Variants in ITGA8 observed in about 807,000 individuals in gnomAD.
ITGA8 encodes the protein integrin subunit alpha 8, also known as integrin alpha-8.
A neutral mutation model predicts 142.3 loss-of-function variants in ITGA8; 91 were observed. The observed-to-expected ratio is 0.64, with a 90% CI of 0.54 to 0.76. The LOEUF is 0.76. Among genes scored for constraint, ITGA8 ranks in the 30% least tolerant of loss-of-function variants. The pLI, the probability that ITGA8 is intolerant of heterozygous loss-of-function variation, is 0.00. For synonymous variants in ITGA8, 505 were observed against 485.2 expected (o/e 1.04, Z -0.54); for missense variants, 1,406 against 1,327.7 (o/e 1.06, Z -0.92).
intron 2 of ITGA8, among the ~76,000 whole-genome samples, chr10:15,710,372 C>T (rs1835341573): frequency 6.6e-6 from 1 of 152,102 alleles, no homozygotes; most frequent in Non-Finnish European, 1.5e-5. Flanking sequence ...ATTGACTACC[C>T]ACAAATAGGC....
intron 11 of ITGA8, among the ~76,000 whole-genome samples, chr10:15,649,456 C>A (rs1417560235): frequency 4.6e-5 from 7 of 151,374 alleles, no homozygotes; most frequent in African/African-American, 1.7e-4. Flanking sequence ...TGGTGAAACG[C>A]CTGTCTCTAC....
chr10:15,630,603 G>A (rs948664974), intron 13 of ITGA8, among the ~76,000 whole-genome samples: 1 of 151,996 alleles, frequency 6.6e-6, no homozygotes, highest in Non-Finnish European at 1.5e-5. Flanking sequence ...GAGTGTCTAA[G>A]TGGGAAATGA....
intron 15 of ITGA8, among the ~76,000 whole-genome samples, chr10:15,613,170 A>AAAATAAAT (rs1554777864): frequency 3.8e-3 from 139 of 36,178 alleles, no homozygotes; most frequent in African/African-American, 6.7e-3. Context: ...CAATAAATAA[A>AAAATAAAT]AAATAAATAA....
intron 3 of ITGA8, among the ~76,000 whole-genome samples, chr10:15,685,859 A>G (rs1439564355): frequency 1.3e-5 from 2 of 152,242 alleles, no homozygotes; most frequent in East Asian, 3.8e-4. Context: ...TCACAAGAGC[A>G]CTGTATGGAA....
At chr10:15,529,274 G>A (rs1004240887) in intron 28 of ITGA8, among the ~76,000 whole-genome samples, 1 of 152,170 alleles carries the variant, frequency 6.6e-6, no homozygotes, top group Non-Finnish European at 1.5e-5. Flanking sequence ...CATTTTGAGA[G>A]GCTACTCTCA....
At chr10:15,549,136 A>G (rs909182621) in intron 26 of ITGA8, among the ~76,000 whole-genome samples, 1 of 151,740 alleles carries the variant, frequency 6.6e-6, no homozygotes, top group African/African-American at 2.4e-5. Context: ...GTTCCTCAAA[A>G]GGATTCATTA....
chr10:15,536,559 C>A (rs981769494), intron 27 of ITGA8, among the ~76,000 whole-genome samples: 1 of 152,164 alleles, frequency 6.6e-6, no homozygotes, highest in African/African-American at 2.4e-5. Flanking sequence ...TTCAATATAA[C>A]CTCTCTCCCA....
At chr10:15,526,402 C>G (rs1449562983) in intron 28 of ITGA8, among the ~76,000 whole-genome samples, 1 of 152,082 alleles carries the variant, frequency 6.6e-6, no homozygotes, top group Non-Finnish European at 1.5e-5. Context: ...TCTCAAACTC[C>G]CGACCTCAGG....
chr10:15,562,775 C>T (rs890209610), intron 25 of ITGA8, among the ~76,000 whole-genome samples: 7 of 152,214 alleles, frequency 4.6e-5, no homozygotes, highest in South Asian at 2.1e-4. Context: ...GCACTGTGGG[C>T]CCTGGGACAT....
At position 15,631,633 on chromosome 10, in the gene ITGA8, T is replaced by C. The variant is rs910888077; in HGVS notation, c.1399+12397A>G. Among the ~76,000 whole-genome samples, 13 of 151,174 alleles carry C rather than the reference T, an allele frequency of 8.6e-5. No homozygotes were observed. In the East Asian group the frequency reaches 2.3e-3, roughly 27 times the overall value. ...TTAATGTAGATGACGGGTTGATGGGTGCAGCAAATCACCATGGCACGGGCA... is the reference window on the plus strand; with the variant it reads ...TTAATGTAGATGACGGGTTGATGGGCGCAGCAAATCACCATGGCACGGGCA... On this transcript the variant is annotated intron_variant, in intron 13 of 29. Transcript: ENST00000378076.
intron 3 of ITGA8, 101 bp from the exon 4 acceptor site, chr10:15,684,228 T>C (rs1323955394): frequency 4.0e-6 from 5 of 1,254,648 alleles, no homozygotes; most frequent in Non-Finnish European, 5.5e-6. Flanking sequence ...AATTATTGGG[T>C]GAATTAATTG....
At chr10:15,578,960 C>T (rs1269355007) in intron 23 of ITGA8, among the ~76,000 whole-genome samples, 1 of 151,970 alleles carries the variant, frequency 6.6e-6, no homozygotes, top group African/African-American at 2.4e-5. Flanking sequence ...TTTTTTCCCA[C>T]CCAAATAAAT....
At chr10:15,543,892 A>G (rs935304481) in intron 27 of ITGA8, among the ~76,000 whole-genome samples, 17 of 152,328 alleles carry the variant, frequency 1.1e-4, no homozygotes, top group African/African-American at 4.1e-4. Flanking sequence ...TATAAGAAAC[A>G]GAAGACACAG....
chr10:15,535,997 A>C (rs1833427097), intron 27 of ITGA8, among the ~76,000 whole-genome samples: 1 of 151,938 alleles, frequency 6.6e-6, no homozygotes, highest in Non-Finnish European at 1.5e-5. Context: ...ACATTCACCG[A>C]GAAGGTCCGC....
At position 15,654,698 on chromosome 10, in the gene ITGA8, C is replaced by T. The variant is rs536401134; in HGVS notation, c.1001+656G>A. Among the ~76,000 whole-genome samples the T allele has an allele frequency of 2.6e-5, 4 of 152,312 alleles. No homozygotes were observed. In the East Asian group the frequency reaches 7.7e-4, roughly 29 times the overall value. ...ACCTGTGTATTCTGGGCACCAAGAA[C>T]AAAGCCTGGAACGTGGTGTGTGATC... On this transcript the variant is annotated intron_variant, in intron 11 of 29. Transcript: ENST00000378076.
chr10:15,521,151 T>C (rs948426317), intron 28 of ITGA8, among the ~76,000 whole-genome samples: 8 of 152,118 alleles, frequency 5.3e-5, no homozygotes, highest in African/African-American at 1.9e-4. Context: ...CCCCAGTAGC[T>C]GGGGTTATAG....
chr10:15,676,059 T>C (rs1834624225), intron 6 of ITGA8, among the ~76,000 whole-genome samples: 1 of 152,190 alleles, frequency 6.6e-6, no homozygotes, highest in Admixed American at 6.5e-5. Flanking sequence ...TCATCCATTC[T>C]TTTGTGAAAT....
At chr10:15,606,473 G>A (rs752986745) in intron 17 of ITGA8, 51 bp from the exon 18 acceptor site, 1 of 1,539,786 alleles carries the variant, frequency 6.5e-7, no homozygotes, top group Non-Finnish European at 8.9e-7. Context: ...ATAGCTGCAA[G>A]ATGTCAGTCT....
intron 6 of ITGA8, among the ~76,000 whole-genome samples, chr10:15,677,229 A>G (rs1263885797): frequency 6.6e-6 from 1 of 152,224 alleles, no homozygotes; most frequent in Non-Finnish European, 1.5e-5. Context: ...CTATAGCACT[A>G]TAAGGTGAAT....
Sources: gnomAD v4.1 joint callset for allele counts (sites outside exome capture counted in the v4.1 genomes callset) on GRCh38, gnomAD v4.1.1 for gene constraint, MANE v1.5 for transcripts, NCBI Gene and HGNC (gene_info 2026-07-23, HGNC 2026-07-21) for gene names.